The following LOC728392 variants were observed in gnomAD, a reference collection of about 807,000 sequenced individuals.
At chr17:5,500,223 A>T in the LOC728392 span, 1 of 991,228 alleles carries the variant, frequency 1.0e-6, no homozygotes, top group Non-Finnish European at 1.2e-6. This position sits in a 1 kb window ranked among gnomAD's most constrained non-coding sequence, Gnocchi z 5.4. Context: ...CTCATCCCTT[A>T]AAGATTCCAA....
chr17:5,500,850 G>C, the LOC728392 span: 1 of 1,229,926 alleles, frequency 8.1e-7, no homozygotes, highest in South Asian at 1.4e-5. The surrounding 1 kb of genome is among the most constrained non-coding windows in gnomAD (Gnocchi z 5.4). Context: ...CCCGCGGGCA[G>C]CGGGAGGGTC....
chr17:5,500,582 T>C, the LOC728392 span: 2 of 1,243,618 alleles, frequency 1.6e-6, no homozygotes, highest in Non-Finnish European at 2.1e-6. This position sits in a 1 kb window ranked among gnomAD's most constrained non-coding sequence, Gnocchi z 5.4. Context: ...GCCCACCCCG[T>C]CCCGCGCTGG....
chr17:5,500,430 A>G, the LOC728392 span: 2 of 1,121,072 alleles, frequency 1.8e-6, no homozygotes, highest in Non-Finnish European at 2.2e-6. The surrounding 1 kb of genome is among the most constrained non-coding windows in gnomAD (Gnocchi z 5.4). Context: ...GCTACTTTGT[A>G]CTTTCGTACT....
the LOC728392 span, chr17:5,500,135 G>A: frequency 8.1e-6 from 8 of 986,746 alleles, no homozygotes; most frequent in Non-Finnish European, 9.6e-6. This position sits in a 1 kb window ranked among gnomAD's most constrained non-coding sequence, Gnocchi z 5.4. Flanking sequence ...CAGCATCACA[G>A]GGCTCCGGCC....
the LOC728392 span, chr17:5,500,041 C>T: frequency 1.0e-6 from 1 of 986,160 alleles, no homozygotes; most frequent in African/African-American, 1.7e-5. The surrounding 1 kb of genome is among the most constrained non-coding windows in gnomAD (Gnocchi z 5.4). Flanking sequence ...CGAGTCCCGC[C>T]CTCCAGCTTC....
the LOC728392 span, chr17:5,500,064 C>G: frequency 1.0e-6 from 1 of 986,272 alleles, no homozygotes; most frequent in Non-Finnish European, 1.2e-6. This position sits in a 1 kb window ranked among gnomAD's most constrained non-coding sequence, Gnocchi z 5.4. Flanking sequence ...CTGCTGCGCG[C>G]TCTTGTCCTC....
At chr17:5,500,573 C>T in the LOC728392 span, 1 of 1,241,970 alleles carries the variant, frequency 8.1e-7, no homozygotes, top group Non-Finnish European at 1.0e-6. The surrounding 1 kb of genome is among the most constrained non-coding windows in gnomAD (Gnocchi z 5.4). Context: ...CGGTCCTGCG[C>T]CCACCCCGTC....
At chr17:5,501,002 G>A in the LOC728392 span, 2 of 1,182,302 alleles carry the variant, frequency 1.7e-6, no homozygotes, top group East Asian at 9.9e-5. Flanking sequence ...GGGTCAGAGC[G>A]CAGTGGGCGG....
At chr17:5,499,877 C>T in the LOC728392 span, 1 of 985,956 alleles carries the variant, frequency 1.0e-6, no homozygotes, top group Non-Finnish European at 1.2e-6. Flanking sequence ...CCGGACACTT[C>T]CAGGACGTGG....
At chr17:5,500,757 G>T in the LOC728392 span, 4 of 1,224,174 alleles carry the variant, frequency 3.3e-6, no homozygotes, top group East Asian at 9.7e-5. The surrounding 1 kb of genome is among the most constrained non-coding windows in gnomAD (Gnocchi z 5.4). Context: ...TGCGGCCTTC[G>T]GGGGCTGCCC....
the LOC728392 span, chr17:5,500,580 C>A: frequency 1.6e-6 from 2 of 1,242,260 alleles, no homozygotes; most frequent in South Asian, 1.4e-5. The surrounding 1 kb of genome is among the most constrained non-coding windows in gnomAD (Gnocchi z 5.4). Context: ...GCGCCCACCC[C>A]GTCCCGCGCT....
At chr17:5,499,932 C>T in the LOC728392 span, 2 of 985,884 alleles carry the variant, frequency 2.0e-6, no homozygotes, top group African/African-American at 1.7e-5. Context: ...TCGACTCCTC[C>T]GGGCAGCGAC....
the LOC728392 span, chr17:5,500,014 C>T: frequency 3.0e-6 from 3 of 985,988 alleles, no homozygotes; most frequent in African/African-American, 1.7e-5. The surrounding 1 kb of genome is among the most constrained non-coding windows in gnomAD (Gnocchi z 5.4). Flanking sequence ...CACGACACCC[C>T]GACGAACGCC....
chr17:5,500,204 T>A, the LOC728392 span: 1 of 987,736 alleles, frequency 1.0e-6, no homozygotes, highest in East Asian at 1.1e-4. This position sits in a 1 kb window ranked among gnomAD's most constrained non-coding sequence, Gnocchi z 5.4. Flanking sequence ...GCCGCGGGTC[T>A]GGGTCTGGCT....
At chr17:5,499,739 C>T in the LOC728392 span, 2 of 981,668 alleles carry the variant, frequency 2.0e-6, no homozygotes, top group South Asian at 9.4e-5. Context: ...AGAACGAAGC[C>T]ATCCTAGAGT....
chr17:5,500,994 G>C, the LOC728392 span: 1 of 1,209,684 alleles, frequency 8.3e-7, no homozygotes, highest in Non-Finnish European at 1.1e-6. The surrounding 1 kb of genome is among the most constrained non-coding windows in gnomAD (Gnocchi z 5.4). Context: ...CCGGGTCTGG[G>C]TCAGAGCGCA....
At chr17:5,499,717 G>T in the LOC728392 span, 17 of 964,058 alleles carry the variant, frequency 1.8e-5, no homozygotes, top group Non-Finnish European at 2.1e-5. Context: ...AGCTCCAGAA[G>T]TGAGCCGGGC....
chr17:5,500,676 A>T, the LOC728392 span: 1 of 1,272,428 alleles, frequency 7.9e-7, no homozygotes, highest in Non-Finnish European at 1.0e-6. This position sits in a 1 kb window ranked among gnomAD's most constrained non-coding sequence, Gnocchi z 5.4. Context: ...GAAGATGGAG[A>T]GGTGCGGAAA....
At chr17:5,500,937 C>G in the LOC728392 span, 1 of 1,256,240 alleles carries the variant, frequency 8.0e-7, no homozygotes, top group Non-Finnish European at 1.0e-6. This position sits in a 1 kb window ranked among gnomAD's most constrained non-coding sequence, Gnocchi z 5.4. Flanking sequence ...GGGTCTGCGC[C>G]GAAAGAGCCC....
Sources: allele counts gnomAD v4.1 joint callset, GRCh38; gene constraint gnomAD v4.1.1; non-coding constraint Gnocchi (gnomAD v3.1); transcripts MANE v1.5.